The following GAREM2 variants were observed in gnomAD, a reference collection of about 807,000 sequenced individuals.
GAREM2 encodes GRB2 associated regulator of MAPK1 subtype 2, also known as GRB2-associated and regulator of MAPK protein 2.
In GAREM2, 30 loss-of-function variants were observed where a neutral mutation model predicts 55.6. The observed-to-expected ratio is 0.54, with a 90% CI of 0.40 to 0.73. The LOEUF is 0.73. GAREM2 is among the 30% of genes least tolerant of loss of function. GAREM2 has a pLI of 0.00. For missense variants in GAREM2, 1,075 were observed against 1,257.7 expected, an observed-to-expected ratio of 0.85 and a Z score of 2.20; for synonymous variants, 550 against 569.1, an observed-to-expected ratio of 0.97 and a Z score of 0.48.
Position 26,187,398 on chromosome 2 carries a change from A to T in GAREM2, c.1766A>T (p.Glu589Val), listed in dbSNP as rs1476961979. The change falls in exon 6 of 6, where the codon GAG becomes GTG. Residue 589 changes from glutamate (E) to valine (V), a missense_variant. Glu to Val is a moderately radical substitution (Grantham distance 121). This residue lies in a region of GAREM2 where 515 missense variants were observed against 501.5 expected (regional missense o/e 1.03). Coordinates refer to ENST00000401533, the MANE Select transcript of GAREM2 (RefSeq NM_001168241.2). ...AGCCAGGCCTCCCGGGCCCTCACAG[A>T]GCCTCTGAGCGGTCGAGCCGCCTCC... ...QPSQASRALT[E>V]PLSGRAASLL... 1 of 1,546,410 alleles carries T rather than the reference A, an allele frequency of 6.5e-7. No homozygotes were observed. The highest frequency in any genetic ancestry group is 1.2e-5 in the South Asian group (1 of 83,138).
intron 2 of GAREM2, among the ~76,000 whole-genome samples, chr2:26,178,067 C>T (rs1378482830): frequency 1.3e-5 from 2 of 152,226 alleles, no homozygotes; most frequent in African/African-American, 4.8e-5. Flanking sequence ...CAGGACTGAG[C>T]CCTTTACAGA....
At chr2:26,201,350 GAAGAA>G in the GAREM2 span, 1 of 1,493,378 alleles carries the variant, frequency 6.7e-7, no homozygotes, top group Non-Finnish European at 9.3e-7. Flanking sequence ...AGTTAGATGG[GAAGAA>G]AAGGAAACTA....
At position 26,176,330 on chromosome 2, in the gene GAREM2, C is replaced by T. The variant is rs2147720418; in HGVS notation, c.113-14C>T. On this transcript the variant is annotated splice_polypyrimidine_tract_variant and intron_variant, in intron 1 of 5. Transcript: ENST00000401533. ...TTCCTTCCCCTCATCCTCTGTCCTC[C>T]TCCCCCTTCCCAGGGGAGTACGCCG... 2.0e-6 allele frequency: 3 copies of T among 1,521,652 alleles called. No homozygotes were observed. Among genetic ancestry groups the T allele is most frequent in the Non-Finnish European group, 2.7e-6 (3 of 1,129,610 alleles). 94.3% of individuals were successfully genotyped at this position (1,521,652 alleles called of 1,614,324 possible).
Position 26,179,593 on chromosome 2 carries a change from G to T in GAREM2, c.253+3109G>T, listed in dbSNP as rs1668977639. Reference sequence around the variant, plus strand: ...GGGCAAGGACAAGGAGGAGGGGCAGGTCAGGATGGAGCAGGTCCTTAGAGC... The same window carrying T: ...GGGCAAGGACAAGGAGGAGGGGCAGTTCAGGATGGAGCAGGTCCTTAGAGC... On this transcript the variant is annotated intron_variant, in intron 2 of 5. Coordinates refer to ENST00000401533, the MANE Select transcript of GAREM2 (RefSeq NM_001168241.2). The surrounding 1 kb of genome is among the most constrained non-coding windows in gnomAD (Gnocchi z 4.7). 6.6e-6 allele frequency among the ~76,000 whole-genome samples: 1 copy of T among 152,046 alleles called. No homozygotes were observed. The highest frequency in any genetic ancestry group is 2.1e-4 in the South Asian group (1 of 4,820).
chr2:26,173,363 G>A (rs746009890), intron 1 of GAREM2, 31 bp downstream of exon 1: 1 of 1,251,880 alleles, frequency 8.0e-7, no homozygotes, highest in Non-Finnish European at 1.0e-6. Context: ...GGGGACCGGG[G>A]TCCGCGGGGA....
chr2:26,174,036 G>T (rs996219631), intron 1 of GAREM2, among the ~76,000 whole-genome samples: 4 of 152,238 alleles, frequency 2.6e-5, no homozygotes, highest in Non-Finnish European at 4.4e-5. Context: ...GGACCGTTTG[G>T]GGGGAGGGGG....
chr2:26,202,716 C>T, the GAREM2 span, among the ~76,000 whole-genome samples: 42 of 152,236 alleles, frequency 2.8e-4, no homozygotes, highest in African/African-American at 1.0e-3. Flanking sequence ...GCTCTAGCCT[C>T]GGTAATAGAG....
At chr2:26,183,145 C>T in intron 3 of GAREM2, 48 bp downstream of exon 3, 1 of 1,541,498 alleles carries the variant, frequency 6.5e-7, no homozygotes. Context: ...TACTCCTTGC[C>T]TCAGGGGCAA....
chr2:26,187,682 G>A lies in GAREM2; in HGVS notation c.2050G>A (p.Ala684Thr), dbSNP rs765213415. ...TTCAGCTGCTCCCCCCTCCTCCTGC[G>A]CCCCCTCCTCCTCCTCTTCTTCTGA... ...AYSAAPPSSC[A>T]PSSSSSSEWQ... The change falls in exon 6 of 6, where the codon GCC (alanine) becomes ACC (threonine). Residue 684 changes from alanine to threonine, a missense_variant. Ala to Thr is a moderately conservative substitution (Grantham distance 58). Around this residue, in one of 6 missense-constraint regions of GAREM2, gnomAD observed 515 missense variants for 501.5 expected, o/e 1.03. Transcript: ENST00000401533. 1.9e-5 allele frequency: 28 copies of A among 1,495,712 alleles called. No individual in the cohort carries two copies. In the South Asian group the frequency reaches 2.8e-4, roughly 15 times the overall value. 92.7% of individuals were successfully genotyped at this position (1,495,712 alleles called of 1,614,324 possible).
intron 2 of GAREM2, chr2:26,182,454 G>T (rs1244319209): frequency 6.4e-7 from 1 of 1,550,574 alleles, no homozygotes; most frequent in South Asian, 1.2e-5. Context: ...CCTCCATGCG[G>T]ATCAGCAGCC....
chr2:26,193,194 G>T (rs1445223297), downstream of GAREM2, among the ~76,000 whole-genome samples: 2 of 151,808 alleles, frequency 1.3e-5, no homozygotes, highest in Admixed American at 1.3e-4. Context: ...TGTCCATCTG[G>T]CATAACTTGG....
rs1053721449 is a variant in GAREM2, at chr2:26,188,355, C to T, written c.*98C>T. The T allele has an allele frequency of 3.3e-5, 32 of 959,978 alleles. No homozygotes were observed. Among genetic ancestry groups the T allele is most frequent in the African/African-American group, 8.4e-5 (5 of 59,728 alleles). 59.5% of individuals were successfully genotyped at this position (959,978 alleles called of 1,614,324 possible). On this transcript the variant is annotated 3_prime_UTR_variant, in exon 6 of 6. Transcript: ENST00000401533. Reference sequence around the variant, plus strand: ...TGCTGCCTGCAAGAAGGATCTATGTCGAGACTGAGGCTGCTCAGCAGCCAC... The same window carrying T: ...TGCTGCCTGCAAGAAGGATCTATGTTGAGACTGAGGCTGCTCAGCAGCCAC...
At chr2:26,201,116 A>G in the GAREM2 span, 23 of 1,525,500 alleles carry the variant, frequency 1.5e-5, no homozygotes, top group Middle Eastern at 5.1e-4. Context: ...TGTTCACTAC[A>G]CTAGGATTCA....
intron 2 of GAREM2, chr2:26,181,922 T>G: frequency 2.9e-4 from 227 of 781,102 alleles, no homozygotes; most frequent in South Asian, 5.3e-4. Flanking sequence ...GAAGCTGCAG[T>G]GAGTTGTGAT....
chr2:26,181,106 C>T (rs577676152), intron 2 of GAREM2: 128 of 985,436 alleles, frequency 1.3e-4, no homozygotes, highest in Non-Finnish European at 1.5e-4. Context: ...ACTGGTCTCC[C>T]GGTTATTTTA....
At chr2:26,190,142 A>G (rs114896828), downstream of GAREM2, among the ~76,000 whole-genome samples, 703 of 152,308 alleles carry the variant, frequency 4.6e-3, 3 homozygotes, top group African/African-American at 0.016. Flanking sequence ...GCAGAGCCAG[A>G]CCTGATCTCC....
At chr2:26,202,090 C>T in the GAREM2 span, among the ~76,000 whole-genome samples, 3 of 152,032 alleles carry the variant, frequency 2.0e-5, no homozygotes, top group Non-Finnish European at 4.4e-5. Flanking sequence ...TGAGCCACCG[C>T]GCCCAGCCTG....
At chr2:26,184,024 C>A (rs1669138127) in intron 3 of GAREM2, among the ~76,000 whole-genome samples, 1 of 152,258 alleles carries the variant, frequency 6.6e-6, no homozygotes, top group African/African-American at 2.4e-5. Context: ...CAGATATGGT[C>A]GCTAAGGCGT....
downstream of GAREM2, chr2:26,194,427 GA>G (rs1344975107): frequency 1.4e-6 from 1 of 716,186 alleles, no homozygotes; most frequent in East Asian, 2.6e-5. Flanking sequence ...CTGCTGTGCA[GA>G]GAGAGGGCAC....
Sources: gnomAD v4.1 joint callset for allele counts (sites outside exome capture counted in the v4.1 genomes callset) on GRCh38, gnomAD v4.1.1 for gene constraint, gnomAD v4.1.1 regional missense constraint, Gnocchi (gnomAD v3.1) non-coding constraint, MANE v1.5 for transcripts, NCBI Gene and HGNC (gene_info 2026-07-23, HGNC 2026-07-21) for gene names.